MISP: variants seen among roughly 807,000 people sequenced by gnomAD.
MISP encodes the protein mitotic interactor and substrate of PLK1.
MISP carries 51 observed loss-of-function variants against 49.3 expected under a neutral mutation model. The ratio of observed to expected loss-of-function variants is 1.03; its 90% CI spans 0.83 to 1.31. The LOEUF is 1.31. MISP is among the 50% of genes most tolerant of loss of function. The probability of loss-of-function intolerance (pLI) is 0.00; values close to 1 mark genes in which losing one functional copy is unlikely to be tolerated. For missense variants in MISP, 1,084 were observed against 935.1 expected, an observed-to-expected ratio of 1.16 and a Z score of -2.08; for synonymous variants, 444 against 392.6, an observed-to-expected ratio of 1.13 and a Z score of -1.55.
intron 4 of MISP, among the ~76,000 whole-genome samples, chr19:762,247 C>T (rs142177704): frequency 0.02 from 3,025 of 148,838 alleles, 62 homozygotes; most frequent in African/African-American, 0.053. Flanking sequence ...CCACCGCGCC[C>T]GGCCAAGGCA....
Position 760,046 on chromosome 19 carries a change from C to T in MISP, c.1911+7C>T. On this transcript the variant is annotated splice_region_variant and intron_variant, in intron 3 of 4. Coordinates refer to ENST00000215582, the MANE Select transcript of MISP (RefSeq NM_173481.4). ...GAGAAAGAAGGAGCAATGGGTGAGT[C>T]TGGAACCCGTCTCTGCAGAGGCCAG... 6.2e-7 allele frequency: 1 copy of T among 1,613,470 alleles called. No individual in the cohort carries two copies. Among genetic ancestry groups the T allele is most frequent in the Non-Finnish European group, 8.5e-7 (1 of 1,179,634 alleles).
At chr19:756,544 A>C (rs1031194514) in intron 1 of MISP, among the ~76,000 whole-genome samples, 9 of 152,106 alleles carry the variant, frequency 5.9e-5, no homozygotes, top group South Asian at 2.1e-4. Flanking sequence ...AGAAGGTGGG[A>C]TGCTCTGATT....
rs375896627 is a variant in MISP, at chr19:757,003, C to T, written c.57C>T (p.Thr19=). Residue 19 remains threonine (T), a synonymous_variant, in exon 2 of 5, where the codon ACC becomes ACT. Transcript: ENST00000215582. ...GCATCCCTCAGGCACACCGTGGCAC[C>T]GGCCTGGTGCTGGATGGAGACACCA... ...ILGIPQAHRG[T]GLVLDGDTSY... 3.2e-5 allele frequency: 51 copies of T among 1,601,218 alleles called. No homozygotes were observed. Among genetic ancestry groups the T allele is most frequent in the Admixed American group, 5.1e-5 (3 of 58,456 alleles).
rs1414367824 is a variant in MISP, at chr19:760,009, T to C, written c.1881T>C (p.Ala627=). 6.2e-7 allele frequency: 1 copy of C among 1,613,888 alleles called. No homozygotes were observed. The highest frequency in any genetic ancestry group is 8.5e-7 in the Non-Finnish European group (1 of 1,179,914). ...AWTVEDPVDS[A]PPGQRKKEQW... is the part of the protein sequence containing the mutation. ...CAGTGGAAGATCCAGTGGACAGTGC[T>C]CCTCCCGGGCAGAGAAAGAAGGAGC... is the stretch of plus-strand genomic sequence containing the variant. The change falls in exon 3 of 5, where the codon GCT becomes GCC. Residue 627 remains alanine, a synonymous_variant. Transcript: ENST00000215582.
At chr19:748,867 G>C (rs536745493), upstream of MISP, among the ~76,000 whole-genome samples, 1 of 152,226 alleles carries the variant, frequency 6.6e-6, no homozygotes, top group African/African-American at 2.4e-5. Flanking sequence ...GGCCGGGCAC[G>C]GTGTTTCACA....
intron 2 of MISP, 78 bp from the exon 3 acceptor site, chr19:759,831 C>A: frequency 1.3e-6 from 2 of 1,547,154 alleles, no homozygotes; most frequent in Non-Finnish European, 1.8e-6. Flanking sequence ...GTCTCCTTAG[C>A]TGCTGGCTAG....
intron 1 of MISP, among the ~76,000 whole-genome samples, chr19:752,424 T>C (rs1000676447): frequency 6.6e-6 from 1 of 151,458 alleles, no homozygotes; most frequent in African/African-American, 2.4e-5. Context: ...CTTGGGAGGC[T>C]GAGGCAGGAG....
rs571362658 is a variant in MISP, at chr19:761,663, G to A, written c.1950G>A (p.Glu650=). ...GINPSDGINS[E]VLEAIRVTRH... is the part of the protein sequence containing the mutation. ...ACCCCTCGGACGGTATCAACTCAGA[G>A]GTGAGTATGCTCCTGGGCACGAAGA... Residue 650 remains glutamate, a splice_region_variant and synonymous_variant, in exon 4 of 5, where the codon GAG becomes GAA. Coordinates refer to ENST00000215582, the MANE Select transcript of MISP (RefSeq NM_173481.4). 6.2e-7 allele frequency: 1 copy of A among 1,614,138 alleles called. No individual in the cohort carries two copies. The highest frequency in any genetic ancestry group is 1.1e-5 in the South Asian group (1 of 91,084).
Position 756,926 on chromosome 19 carries a change from G to C in MISP, c.-21G>C. On this transcript the variant is annotated 5_prime_UTR_variant, in exon 2 of 5. Transcript: ENST00000215582. Reference sequence around the variant, plus strand: ...GTCTCCACCCCACGGGAGGAAGGCTGAGGCCAAGACCCCGGAAGAGATGGA... The same window carrying C: ...GTCTCCACCCCACGGGAGGAAGGCTCAGGCCAAGACCCCGGAAGAGATGGA... The C allele has an allele frequency of 6.7e-7, 1 of 1,495,748 alleles. No homozygotes were observed. The allele number at this position is 1,495,748 out of a possible 1,614,324, so 92.7% of individuals were successfully genotyped here.
rs1023578034 is a variant in MISP at position 758,200 on chromosome 19, C to T, written c.1254C>T (p.Asn418=). 1.7e-5 allele frequency: 27 copies of T among 1,612,724 alleles called. No individual in the cohort carries two copies. The highest frequency in any genetic ancestry group is 2.1e-5 in the Non-Finnish European group (25 of 1,179,858). ...CAGCTCCAGAAGTGAGGAAGGTGAA[C>T]CGCATCCCACCTGATGCCTACCAGC... is the stretch of plus-strand genomic sequence containing the variant. The part of the protein sequence containing the change: ...ADPAPEVRKV[N]RIPPDAYQPY... Residue 418 remains asparagine (N), a synonymous_variant, in exon 2 of 5, where the codon AAC becomes AAT. Transcript: ENST00000215582.
chr19:749,908 A>G (rs1276827384), upstream of MISP, among the ~76,000 whole-genome samples: 1 of 151,846 alleles, frequency 6.6e-6, no homozygotes, highest in Non-Finnish European at 1.5e-5. Context: ...CGAAGAAGAG[A>G]CTGAGGTTCA....
In MISP at chr19:763,812, C is replaced by T; in HGVS notation, c.*222C>T. The T allele has an allele frequency of 1.8e-6, 1 of 541,862 alleles. No individual in the cohort carries two copies. Among genetic ancestry groups the T allele is most frequent in the East Asian group, 3.1e-5 (1 of 32,660 alleles). 33.6% of individuals were successfully genotyped at this position (541,862 alleles called of 1,614,324 possible). ...ATGTTTCTGCCTTTGGGGTCTAAAG[C>T]TTTTGGGGATGAAATGGGACCCCTG... On this transcript the variant is annotated 3_prime_UTR_variant, in exon 5 of 5. Coordinates refer to ENST00000215582, the MANE Select transcript of MISP (RefSeq NM_173481.4).
At chr19:762,088 C>T (rs995139030) in intron 4 of MISP, among the ~76,000 whole-genome samples, 4 of 150,128 alleles carry the variant, frequency 2.7e-5, no homozygotes, top group African/African-American at 4.9e-5. Context: ...GCTGGGACTA[C>T]AGGCGCCCAC....
chr19:757,996 C>T lies in MISP; in HGVS notation c.1050C>T (p.Tyr350=), dbSNP rs546828060. Reference sequence around the variant, plus strand: ...GGGAGAGAGGGCGCCCGTCCCTCTACGTGCAGCGGGACATAGTACAGGAGA... The same window carrying T: ...GGGAGAGAGGGCGCCCGTCCCTCTATGTGCAGCGGGACATAGTACAGGAGA... ...PRRERGRPSL[Y]VQRDIVQETQ... The change falls in exon 2 of 5, where the codon TAC becomes TAT. Residue 350 remains tyrosine (Y), a synonymous_variant. Coordinates refer to ENST00000215582, the MANE Select transcript of MISP (RefSeq NM_173481.4). 63 of 1,575,958 alleles carry T rather than the reference C, an allele frequency of 4.0e-5. No homozygotes were observed. Among genetic ancestry groups the T allele is most frequent in the South Asian group, 2.9e-4 (25 of 86,856 alleles).
At chr19:763,455 G>T in intron 4 of MISP, 46 bp from the exon 5 acceptor site, 1 of 1,384,484 alleles carries the variant, frequency 7.2e-7, no homozygotes, top group Non-Finnish European at 1.0e-6. Flanking sequence ...CATCTTGGGG[G>T]TGTGGTAGGA....
At chr19:755,021 G>A (rs1321374963) in intron 1 of MISP, among the ~76,000 whole-genome samples, 1 of 150,522 alleles carries the variant, frequency 6.6e-6, no homozygotes, top group African/African-American at 2.5e-5. Flanking sequence ...GAAGAGGAGG[G>A]CCTGGTTTGG....
intron 4 of MISP, among the ~76,000 whole-genome samples, chr19:763,146 G>A (rs958813120): frequency 1.2e-4 from 18 of 152,148 alleles, no homozygotes; most frequent in African/African-American, 3.1e-4. Context: ...GCGCCGTAGC[G>A]GGCCTCTGTA....
At chr19:759,606 T>G (rs1180530175) in intron 2 of MISP, among the ~76,000 whole-genome samples, 2 of 151,648 alleles carry the variant, frequency 1.3e-5, no homozygotes, top group African/African-American at 2.4e-5. Context: ...TTCACCGTGT[T>G]AGCCAGGACG....
In MISP at chr19:757,088, C is replaced by T; in HGVS notation, c.142C>T (p.Pro48Ser). The part of the protein sequence containing the change: ...PEASGWGQDE[P>S]QTWPTDHRAQ... ...GGCCAGCGGCTGGGGCCAGGATGAG[C>T]CGCAGACATGGCCCACTGACCACAG... Residue 48 changes from proline to serine, a missense_variant, in exon 2 of 5, where the codon CCG becomes TCG. Pro to Ser is a moderately conservative substitution (Grantham distance 74). Transcript: ENST00000215582. The T allele has an allele frequency of 6.2e-7, 1 of 1,612,828 alleles. No homozygotes were observed. Among genetic ancestry groups the T allele is most frequent in the Non-Finnish European group, 8.5e-7 (1 of 1,179,744 alleles).
Sources: allele counts gnomAD v4.1 joint callset (sites outside exome capture counted in the v4.1 genomes callset), GRCh38; gene constraint gnomAD v4.1.1; transcripts MANE v1.5; gene names NCBI Gene and HGNC (gene_info 2026-07-23, HGNC 2026-07-21).